Variants in STXBP4 observed in about 807,000 individuals in gnomAD.
STXBP4 encodes the protein syntaxin-binding protein 4.
A neutral mutation model predicts 76.1 loss-of-function variants in STXBP4; 55 were observed. The ratio of observed to expected loss-of-function variants is 0.72; its 90% CI spans 0.58 to 0.91. STXBP4 has a LOEUF of 0.91. STXBP4 is among the 40% of genes least tolerant of loss of function. The pLI is 0.00. For synonymous variants in STXBP4, 201 were observed against 220.2 expected (o/e 0.91, Z 0.77); for missense variants, 618 against 636.9 (o/e 0.97, Z 0.32).
intron 8 of STXBP4, among the ~76,000 whole-genome samples, chr17:55,011,638 T>C (rs2078115589): frequency 6.6e-6 from 1 of 151,770 alleles, no homozygotes; most frequent in Non-Finnish European, 1.5e-5. Flanking sequence ...CTTCCCGCTG[T>C]ACTCTCAGGC....
chr17:55,001,301 G>T (rs2077910133), intron 7 of STXBP4, among the ~76,000 whole-genome samples: 2 of 151,998 alleles, frequency 1.3e-5, no homozygotes, highest in African/African-American at 4.8e-5. Flanking sequence ...TGTTTTTTTG[G>T]AAGAAATCAT....
At chr17:55,045,913 G>A (rs2078779043) in intron 11 of STXBP4, among the ~76,000 whole-genome samples, 1 of 151,992 alleles carries the variant, frequency 6.6e-6, no homozygotes, top group African/African-American at 2.4e-5. Flanking sequence ...AAAAGCAGAG[G>A]TTGTTAAATG....
intron 16 of STXBP4, among the ~76,000 whole-genome samples, chr17:55,096,774 T>C (rs1219580081): frequency 6.6e-6 from 1 of 152,168 alleles, no homozygotes; most frequent in Admixed American, 6.5e-5. Flanking sequence ...ATAATAAATG[T>C]TCCTAGGTAA....
intron 16 of STXBP4, among the ~76,000 whole-genome samples, chr17:55,135,075 G>C (rs2080013497): frequency 6.6e-6 from 1 of 152,132 alleles, no homozygotes; most frequent in Admixed American, 6.6e-5. Context: ...CTATTGGGAA[G>C]ATAAATGCAG....
intron 16 of STXBP4, among the ~76,000 whole-genome samples, chr17:55,084,832 T>G (rs1002685370): frequency 6.6e-6 from 1 of 152,188 alleles, no homozygotes; most frequent in African/African-American, 2.4e-5. Flanking sequence ...TTCTGTTCCA[T>G]TGATCTATAT....
chr17:55,073,369 T>C (rs1190488454), intron 13 of STXBP4, among the ~76,000 whole-genome samples: 1 of 152,184 alleles, frequency 6.6e-6, no homozygotes, highest in Non-Finnish European at 1.5e-5. Context: ...TTGATTACAT[T>C]GGTTTTTTTC....
intron 17 of STXBP4, among the ~76,000 whole-genome samples, chr17:55,149,834 A>C (rs182394760): frequency 6.6e-6 from 1 of 152,334 alleles, no homozygotes; most frequent in Non-Finnish European, 1.5e-5. Context: ...CATGAAATGA[A>C]AGACCAGGCA....
the STXBP4 span, among the ~76,000 whole-genome samples, chr17:55,209,194 T>A: frequency 6.6e-6 from 1 of 152,162 alleles, no homozygotes; most frequent in African/African-American, 2.4e-5. Context: ...AATAACTGTT[T>A]ATTTTCCACT....
chr17:55,048,939 T>A (rs2144768131), intron 12 of STXBP4, among the ~76,000 whole-genome samples: 1 of 152,076 alleles, frequency 6.6e-6, no homozygotes, highest in South Asian at 2.1e-4. Context: ...CCTGGAAAGA[T>A]TACTGTACAA....
At chr17:55,176,457 G>T (rs1028497546), downstream of STXBP4, among the ~76,000 whole-genome samples, 11 of 152,170 alleles carry the variant, frequency 7.2e-5, no homozygotes, top group African/African-American at 2.2e-4. Context: ...CACATCTTCA[G>T]GTGGGCAACC....
chr17:55,034,039 C>A, intron 9 of STXBP4, 129 bp from the exon 10 acceptor site: 1 of 587,740 alleles, frequency 1.7e-6, no homozygotes, highest in Non-Finnish European at 3.0e-6. Flanking sequence ...TTACCTATCA[C>A]TTCAGTCAAT....
At chr17:55,208,741 C>A in the STXBP4 span, among the ~76,000 whole-genome samples, 2 of 152,170 alleles carry the variant, frequency 1.3e-5, no homozygotes, top group South Asian at 2.1e-4. Context: ...ATAAAACAGA[C>A]CTGCAGGGAG....
At chr17:54,977,206 A>G (rs1233209170) in intron 1 of STXBP4, among the ~76,000 whole-genome samples, 1 of 152,202 alleles carries the variant, frequency 6.6e-6, no homozygotes. Context: ...GAAAGAAAAA[A>G]ACATGCACTA....
At chr17:54,971,133 A>G (rs376164575) in intron 1 of STXBP4, among the ~76,000 whole-genome samples, 2 of 152,352 alleles carry the variant, frequency 1.3e-5, no homozygotes, top group South Asian at 2.1e-4. Flanking sequence ...AAGATTAGAG[A>G]ATGATAAAGA....
At chr17:55,133,371 C>T (rs1468477977) in intron 16 of STXBP4, among the ~76,000 whole-genome samples, 1 of 152,066 alleles carries the variant, frequency 6.6e-6, no homozygotes, top group Admixed American at 6.6e-5. Context: ...CAGTAATGGG[C>T]ACCTTCAGTT....
chr17:55,152,831 A>T (rs2080231230), intron 17 of STXBP4, among the ~76,000 whole-genome samples: 1 of 152,098 alleles, frequency 6.6e-6, no homozygotes, highest in African/African-American at 2.4e-5. Context: ...AATACTTTAA[A>T]ATATATATAT....
At chr17:55,053,505 C>T (rs551633246) in intron 12 of STXBP4, among the ~76,000 whole-genome samples, 1 of 152,248 alleles carries the variant, frequency 6.6e-6, no homozygotes, top group Admixed American at 6.5e-5. Flanking sequence ...TTGTTTCTCA[C>T]TCATGAACAT....
At chr17:55,147,009 T>C (rs1275846700) in intron 17 of STXBP4, among the ~76,000 whole-genome samples, 1 of 152,224 alleles carries the variant, frequency 6.6e-6, no homozygotes, top group Non-Finnish European at 1.5e-5. Flanking sequence ...CCTAAAAGTA[T>C]GAATTCCAGA....
chr17:54,977,407 A>T lies in STXBP4; in HGVS notation c.-156-8207A>T, dbSNP rs535922994. 1.4e-4 allele frequency among the ~76,000 whole-genome samples: 22 copies of T among 152,314 alleles called. No individual in the cohort carries two copies. In the South Asian group the frequency reaches 4.6e-3, roughly 32 times the overall value. ...GTCATCATGCCCTAAATAATATAGC[A>T]TAACATATTTACATTGTGTTTTGTA... On this transcript the variant is annotated intron_variant, in intron 1 of 17. Coordinates refer to ENST00000376352, the MANE Select transcript of STXBP4 (RefSeq NM_178509.6).
Sources: gnomAD v4.1 joint callset for allele counts (sites outside exome capture counted in the v4.1 genomes callset) on GRCh38, gnomAD v4.1.1 for gene constraint, MANE v1.5 for transcripts, NCBI Gene and HGNC (gene_info 2026-07-23, HGNC 2026-07-21) for gene names.